The following C1QTNF3 variants were observed in gnomAD, a reference collection of about 807,000 sequenced individuals.
C1QTNF3 encodes the protein C1q and TNF related 3.
Under a neutral mutation model 32.6 loss-of-function variants are expected in C1QTNF3, and 26 were observed. The observed-to-expected ratio is 0.80, with a 90% CI of 0.58 to 1.11. C1QTNF3 has a LOEUF of 1.11. C1QTNF3 is among the 50% of genes least tolerant of loss of function. The pLI is 0.00. For missense variants in C1QTNF3, 362 were observed against 398.2 expected, an observed-to-expected ratio of 0.91 and a Z score of 0.77; for synonymous variants, 155 against 146.0, an observed-to-expected ratio of 1.06 and a Z score of -0.44.
chr5:34,084,331 A>G, the C1QTNF3 span, among the ~76,000 whole-genome samples: 1 of 151,886 alleles, frequency 6.6e-6, no homozygotes, highest in Admixed American at 6.5e-5. Flanking sequence ...ACAAATTAGG[A>G]AAGTTTGTAT....
the C1QTNF3 span, among the ~76,000 whole-genome samples, chr5:34,118,741 C>T: frequency 6.6e-6 from 1 of 152,012 alleles, no homozygotes; most frequent in Non-Finnish European, 1.5e-5. Context: ...CAACATTTTA[C>T]TTGATGTGTC....
chr5:34,141,240 T>C, the C1QTNF3 span, among the ~76,000 whole-genome samples: 1 of 152,080 alleles, frequency 6.6e-6, no homozygotes, highest in South Asian at 2.1e-4. Context: ...TGCCTCAGCC[T>C]CCCGAGTAGC....
chr5:34,056,479 TAGAGAGAGAGAGAGAG>T, the C1QTNF3 span, among the ~76,000 whole-genome samples: 333 of 51,778 alleles, frequency 6.4e-3, 1 homozygote, highest in Middle Eastern at 0.012. Context: ...TATATATATA[TAGAGAGAGAGAGAGAG>T]AGAGAGAGAG....
At chr5:34,228,190 G>C in the C1QTNF3 span, among the ~76,000 whole-genome samples, 1 of 151,820 alleles carries the variant, frequency 6.6e-6, no homozygotes, top group Admixed American at 6.6e-5. Context: ...AAACTTGCAT[G>C]GTCTAAGGTA....
the C1QTNF3 span, among the ~76,000 whole-genome samples, chr5:34,119,391 A>G: frequency 2.6e-5 from 4 of 152,350 alleles, 1 homozygote; most frequent in African/African-American, 9.6e-5. Context: ...TCAGGGACAT[A>G]GTGCCATAGA....
chr5:34,070,294 TC>T, the C1QTNF3 span, among the ~76,000 whole-genome samples: 41 of 152,178 alleles, frequency 2.7e-4, no homozygotes, highest in Middle Eastern at 3.2e-3. Flanking sequence ...AGAAGGGCAG[TC>T]CTGCCAATCT....
the C1QTNF3 span, among the ~76,000 whole-genome samples, chr5:34,088,807 T>C: frequency 2.0e-5 from 3 of 152,218 alleles, no homozygotes; most frequent in South Asian, 6.2e-4. Flanking sequence ...CCACCTGTGT[T>C]CTGCCCTATA....
the C1QTNF3 span, among the ~76,000 whole-genome samples, chr5:34,207,966 T>G: frequency 6.6e-6 from 1 of 152,010 alleles, no homozygotes; most frequent in South Asian, 2.1e-4. Flanking sequence ...TTTTTTTGTA[T>G]TTTTTAGTAG....
At chr5:34,175,152 G>A in the C1QTNF3 span, among the ~76,000 whole-genome samples, 1 of 149,612 alleles carries the variant, frequency 6.7e-6, no homozygotes, top group Non-Finnish European at 1.5e-5. Flanking sequence ...CAGGCTATCC[G>A]CCTGCCTCAG....
At chr5:34,035,312 C>G (rs566925332) in intron 2 of C1QTNF3, among the ~76,000 whole-genome samples, 1 of 152,276 alleles carries the variant, frequency 6.6e-6, no homozygotes, top group East Asian at 1.9e-4. Context: ...GAGGAAGAAG[C>G]ACTTAGCTGG....
chr5:34,180,877 C>T, the C1QTNF3 span, among the ~76,000 whole-genome samples: 1 of 152,408 alleles, frequency 6.6e-6, no homozygotes, highest in East Asian at 1.9e-4. Flanking sequence ...TCACCTGAGG[C>T]GATTCTCCTG....
the C1QTNF3 span, among the ~76,000 whole-genome samples, chr5:34,243,843 ATAAC>A: frequency 1.3e-5 from 2 of 151,952 alleles, no homozygotes; most frequent in African/African-American, 2.4e-5. Context: ...CATGGGCTGA[ATAAC>A]TACCTACTGG....
At chr5:34,052,736 A>G in the C1QTNF3 span, among the ~76,000 whole-genome samples, 2 of 152,232 alleles carry the variant, frequency 1.3e-5, no homozygotes, top group Non-Finnish European at 2.9e-5. Context: ...GGCTATTATT[A>G]CAGCTCAGGG....
At chr5:34,107,777 A>G in the C1QTNF3 span, among the ~76,000 whole-genome samples, 4 of 152,102 alleles carry the variant, frequency 2.6e-5, no homozygotes, top group African/African-American at 9.6e-5. Context: ...AATTCAGTCA[A>G]TTTCCTCCCA....
At chr5:34,142,668 AAATATCTTTTGCT>A in the C1QTNF3 span, among the ~76,000 whole-genome samples, 2 of 152,190 alleles carry the variant, frequency 1.3e-5, no homozygotes, top group Non-Finnish European at 2.9e-5. Flanking sequence ...CTAAAACATC[AAATATCTTTTGCT>A]AATATACTTC....
At chr5:34,077,984 T>C in the C1QTNF3 span, among the ~76,000 whole-genome samples, 664 of 151,804 alleles carry the variant, frequency 4.4e-3, 21 homozygotes, top group African/African-American at 0.016. Flanking sequence ...ATAAGTGCCT[T>C]TAACCTCTTT....
chr5:34,154,583 T>G, the C1QTNF3 span, among the ~76,000 whole-genome samples: 1 of 152,216 alleles, frequency 6.6e-6, no homozygotes, highest in Non-Finnish European at 1.5e-5. Context: ...GAACTAGTTT[T>G]CAGTCAAATC....
chr5:34,109,534 G>C, the C1QTNF3 span, among the ~76,000 whole-genome samples: 1 of 151,658 alleles, frequency 6.6e-6, no homozygotes, highest in Non-Finnish European at 1.5e-5. Flanking sequence ...GTAAGATATG[G>C]GCAAAGTTCT....
chr5:34,166,682 C>A, the C1QTNF3 span: 1 of 152,044 alleles, frequency 6.6e-6, no homozygotes, highest in Non-Finnish European at 1.5e-5. Context: ...AATAAAGATT[C>A]CCATATTTCC....
Sources: allele counts gnomAD v4.1 joint callset (sites outside exome capture counted in the v4.1 genomes callset), GRCh38; gene constraint gnomAD v4.1.1; transcripts MANE v1.5; gene names NCBI Gene and HGNC (gene_info 2026-07-23, HGNC 2026-07-21).